SLC41A3: variants seen among roughly 807,000 people sequenced by gnomAD.
SLC41A3 encodes the protein SLC41A1-like 2.
In SLC41A3, 44 loss-of-function variants were observed where a neutral mutation model predicts 45.4. The observed-to-expected ratio is 0.97, with a 90% CI of 0.76 to 1.25. The LOEUF is 1.25. Among genes scored for constraint, SLC41A3 ranks in the 50% most tolerant of loss-of-function variants. SLC41A3 has a pLI of 0.00. For synonymous variants in SLC41A3, 256 were observed against 252.4 expected, an observed-to-expected ratio of 1.01 and a Z score of -0.13; for missense variants, 550 against 600.6, an observed-to-expected ratio of 0.92 and a Z score of 0.88.
intron 6 of SLC41A3, among the ~76,000 whole-genome samples, chr3:126,021,492 G>A (rs1940878943): frequency 6.6e-6 from 1 of 152,180 alleles, no homozygotes; most frequent in South Asian, 2.1e-4. Flanking sequence ...TCTTCTGTCT[G>A]TTCTAAGACT....
Position 126,007,079 on chromosome 3 carries a change from G to A in SLC41A3, c.1401C>T (p.Asp467=), listed in dbSNP as rs762487067. The A allele has an allele frequency of 6.2e-7, 1 of 1,614,230 alleles. No individual in the cohort carries two copies. The highest frequency in any genetic ancestry group is 1.1e-5 in the South Asian group (1 of 91,086). ...GCTCTGCCTTGCTCTTCAGTAGCCA[G>A]TCAGTGAAAAAGCAGAGTGCCAGGA... ...TGLLALCFFT[D]WLLKSKAELG... Residue 467 remains aspartate, a synonymous_variant, in exon 11 of 11, where the codon GAC becomes GAT. Coordinates refer to ENST00000360370, the MANE Select transcript of SLC41A3 (RefSeq NM_017836.4).
chr3:126,065,951 A>G (rs917398369), intron 2 of SLC41A3, among the ~76,000 whole-genome samples: 2 of 152,196 alleles, frequency 1.3e-5, no homozygotes, highest in African/African-American at 4.8e-5. Context: ...AGATCACACC[A>G]TAATGACCAC....
At chr3:126,093,248 T>G (rs1449564066) in intron 1 of SLC41A3, among the ~76,000 whole-genome samples, 2 of 152,182 alleles carry the variant, frequency 1.3e-5, no homozygotes, top group Admixed American at 1.3e-4. Context: ...GGCTGCCAGA[T>G]AGGGGAAAAA....
chr3:126,057,636 A>C (rs1456592861), intron 2 of SLC41A3, among the ~76,000 whole-genome samples: 1 of 152,224 alleles, frequency 6.6e-6, no homozygotes, highest in African/African-American at 2.4e-5. Flanking sequence ...GCTTAAGTGC[A>C]GACCCCAGCC....
chr3:126,039,232 C>T (rs1199680711), intron 3 of SLC41A3, among the ~76,000 whole-genome samples: 1 of 152,202 alleles, frequency 6.6e-6, no homozygotes, highest in Non-Finnish European at 1.5e-5. Context: ...AAAAATTGAA[C>T]ACTGGTACAA....
chr3:126,057,178 C>T (rs1943724504), intron 2 of SLC41A3: 12 of 985,160 alleles, frequency 1.2e-5, no homozygotes, highest in Admixed American at 6.1e-5. Flanking sequence ...CAGGAAGCCA[C>T]GCCCTGGGTC....
At chr3:126,044,068 T>A (rs1942781330) in intron 3 of SLC41A3, among the ~76,000 whole-genome samples, 1 of 152,120 alleles carries the variant, frequency 6.6e-6, no homozygotes. Context: ...CACTTTAGAT[T>A]TAAGGACACA....
At chr3:126,043,601 C>T (rs1227553411) in intron 3 of SLC41A3, among the ~76,000 whole-genome samples, 1 of 151,840 alleles carries the variant, frequency 6.6e-6, no homozygotes, top group African/African-American at 2.4e-5. Flanking sequence ...AAAAGATATA[C>T]TTTATGAGAT....
intron 3 of SLC41A3, 137 bp downstream of exon 3, chr3:126,050,805 AT>A: frequency 7.2e-7 from 1 of 1,383,434 alleles, no homozygotes; most frequent in Non-Finnish European, 9.4e-7. Flanking sequence ...AAGGGACAGC[AT>A]GATGAGGTAT....
chr3:126,097,616 C>T (rs1378301921), intron 1 of SLC41A3, among the ~76,000 whole-genome samples: 1 of 152,090 alleles, frequency 6.6e-6, no homozygotes, highest in African/African-American at 2.4e-5. Flanking sequence ...TGTACTTTTG[C>T]CCTGGGCTCT....
chr3:126,034,587 C>T (rs2107778690), intron 3 of SLC41A3, among the ~76,000 whole-genome samples: 1 of 152,342 alleles, frequency 6.6e-6, no homozygotes, highest in African/African-American at 2.4e-5. Context: ...ATATGACACC[C>T]ACCGCAGGTG....
chr3:126,040,156 G>T (rs1322800253), intron 3 of SLC41A3, among the ~76,000 whole-genome samples: 4 of 152,158 alleles, frequency 2.6e-5, no homozygotes, highest in Admixed American at 2.6e-4. Context: ...AATAAATATG[G>T]GTGCTGGCTT....
intron 1 of SLC41A3, among the ~76,000 whole-genome samples, chr3:126,097,839 G>T (rs1164870774): frequency 6.6e-6 from 1 of 152,220 alleles, no homozygotes; most frequent in Non-Finnish European, 1.5e-5. Flanking sequence ...CCAAAGGGCA[G>T]TCACCACACC....
rs55943460 is a variant in SLC41A3, at chr3:126,100,949, G to A, written c.-79+480C>T. On this transcript the variant is annotated intron_variant, in intron 1 of 9. Coordinates refer to the SLC41A3 transcript ENST00000508835. ...CCTTAAATGCTTCTGTTAACATGGC[G>A]AGACATAAACGTTCTCAAAGGCCAC... 6.7e-3 allele frequency among the ~76,000 whole-genome samples: 1,015 copies of A among 152,292 alleles called. 10 individuals carry two copies. The highest frequency in any genetic ancestry group is 0.023 in the African/African-American group (964 of 41,548).
intron 1 of SLC41A3, among the ~76,000 whole-genome samples, chr3:126,078,520 T>A (rs1454675052): frequency 1.3e-5 from 2 of 152,166 alleles, no homozygotes; most frequent in Admixed American, 6.5e-5. Context: ...GGAGGAAGGA[T>A]GCTTGGCAGA....
chr3:126,049,215 G>A (rs754069131), intron 3 of SLC41A3, among the ~76,000 whole-genome samples: 13 of 152,206 alleles, frequency 8.5e-5, no homozygotes, highest in Non-Finnish European at 1.6e-4. Context: ...GGCTGGGCAC[G>A]GTGGCTCATG....
At chr3:126,056,347 C>A in intron 2 of SLC41A3, 1 of 1,613,090 alleles carries the variant, frequency 6.2e-7, no homozygotes, top group Non-Finnish European at 8.5e-7. Context: ...CCCCAAACAC[C>A]CAGTACGCAC....
At chr3:126,008,920 C>T (rs201521209) in intron 9 of SLC41A3, 40 bp from the exon 10 acceptor site, 1,396 of 1,606,386 alleles carry the variant, frequency 8.7e-4, no homozygotes, top group Non-Finnish European at 1.1e-3. Context: ...TGACCTGAAG[C>T]GAGGCCACTT....
chr3:126,062,234 T>C (rs1435367542), intron 2 of SLC41A3, among the ~76,000 whole-genome samples: 3 of 152,204 alleles, frequency 2.0e-5, no homozygotes, highest in African/African-American at 7.2e-5. Flanking sequence ...ACCCTGTCCA[T>C]TCAGACCCCC....
Sources: allele counts gnomAD v4.1 joint callset (sites outside exome capture counted in the v4.1 genomes callset), GRCh38; gene constraint gnomAD v4.1.1; transcripts MANE v1.5; gene names NCBI Gene and HGNC (gene_info 2026-07-23, HGNC 2026-07-21).